SFR1: variants seen among roughly 807,000 people sequenced by gnomAD.
SFR1 encodes swi5-dependent recombination DNA repair protein 1 homolog.
Under a neutral mutation model 26.2 loss-of-function variants are expected in SFR1, and 24 were observed. The observed-to-expected ratio is 0.92, with a 90% confidence interval of 0.66 to 1.29. SFR1 has a LOEUF of 1.29. SFR1 is among the 50% of genes most tolerant of loss of function. The probability of loss-of-function intolerance (pLI) is 0.00; values close to 1 mark genes in which losing one functional copy is unlikely to be tolerated. For synonymous variants in SFR1, 77 were observed against 96.6 expected, an observed-to-expected ratio of 0.80 and a Z score of 1.19; for missense variants, 276 against 270.2, an observed-to-expected ratio of 1.02 and a Z score of -0.15.
At chr10:104,123,185 T>C in intron 2 of SFR1, 99 bp downstream of exon 2, 2 of 958,254 alleles carry the variant, frequency 2.1e-6, no homozygotes, top group Non-Finnish European at 3.1e-6. Flanking sequence ...ATTAACATAA[T>C]GTGTAGCATA....
intron 3 of SFR1, among the ~76,000 whole-genome samples, chr10:104,124,555 A>G (rs1339652167): frequency 6.8e-6 from 1 of 147,180 alleles, no homozygotes; most frequent in Admixed American, 6.8e-5. Flanking sequence ...TTGAGAAAAT[A>G]TATATATATA....
chr10:104,120,395 T>C (rs2086950210), upstream of SFR1, among the ~76,000 whole-genome samples: 1 of 152,226 alleles, frequency 6.6e-6, no homozygotes, highest in Non-Finnish European at 1.5e-5. Flanking sequence ...ACTTATGTAA[T>C]TTTAAAAAAT....
rs1055161285 is a variant in SFR1 at position 104,123,581 on chromosome 10, T to C, written c.136-133T>C. 6.7e-6 allele frequency: 4 copies of C among 599,968 alleles called. No homozygotes were observed. In the Admixed American group the frequency reaches 1.5e-4, roughly 23 times the overall value. 37.2% of individuals were successfully genotyped at this position (599,968 alleles called of 1,614,324 possible). Reference sequence around the variant, plus strand: ...AAATTAAAGTCATTTTGTGATGCCTTCTTTAGATGTGGAGACAGAAAGCCA... The same window carrying C: ...AAATTAAAGTCATTTTGTGATGCCTCCTTTAGATGTGGAGACAGAAAGCCA... On this transcript the variant is annotated intron_variant, in intron 2 of 3. Coordinates refer to ENST00000369727, the MANE Select transcript of SFR1 (RefSeq NM_001002759.2).
rs570050726 is a variant in SFR1 at position 104,124,950 on chromosome 10, T to A, written c.547-563T>A. ...TAGCTGGGACTACAGACATGTGCCA[T>A]CACACCTGGCTAATTTTTTAAAATT... On this transcript the variant is annotated intron_variant, in intron 3 of 3. Transcript: ENST00000369727. 9.0e-4 allele frequency among the ~76,000 whole-genome samples: 137 copies of A among 152,034 alleles called. 1 individual carries two copies. Among genetic ancestry groups the A allele is most frequent in the African/African-American group, 3.2e-3 (132 of 41,474 alleles).
rs2086994678 is a variant in SFR1, at chr10:104,123,760, C to A, written c.182C>A (p.Ser61Ter). 1.2e-6 allele frequency: 2 copies of A among 1,606,072 alleles called. No homozygotes were observed. The highest frequency in any genetic ancestry group is 1.7e-5 in the Admixed American group (1 of 58,084). ...LRERLRKTRF[S>*]FNSSYNVVKR... ...GAAAGATTAAGGAAAACAAGATTTT[C>A]ATTTAATTCCTCTTACAATGTGGTG... The change falls in exon 3 of 4, where the codon TCA becomes TAA. Residue 61 changes from serine to a stop codon, truncating the protein, a stop_gained. Coordinates refer to ENST00000369727, the MANE Select transcript of SFR1 (RefSeq NM_001002759.2). LOFTEE classifies it high-confidence loss of function.
rs76550596 is a variant in SFR1 at position 104,123,374 on chromosome 10, C to G, written c.135+288C>G. ...ATCTGTGCAATATTATTATGAAGGT[C>G]TTTAGTGGCAGAGTCTAGGTCTTTT... On this transcript the variant is annotated intron_variant, in intron 2 of 3. Transcript: ENST00000369727. 4 of 389,528 alleles carry G rather than the reference C, an allele frequency of 1.0e-5. No homozygotes were observed. In the East Asian group the frequency reaches 1.7e-4, roughly 17 times the overall value. 24.1% of individuals were successfully genotyped at this position (389,528 alleles called of 1,614,324 possible). A position where few individuals can be genotyped will look rare whatever the true frequency, so the allele number is the denominator to read the frequency against.
chr10:104,124,631 G>A (rs1050233189), intron 3 of SFR1, among the ~76,000 whole-genome samples: 4 of 151,402 alleles, frequency 2.6e-5, no homozygotes, highest in Admixed American at 1.3e-4. Context: ...CTTGGAAGGA[G>A]AATAATCTTT....
At chr10:104,125,432 A>G in intron 3 of SFR1, 81 bp from the exon 4 acceptor site, 1 of 1,103,694 alleles carries the variant, frequency 9.1e-7, no homozygotes, top group Non-Finnish European at 1.3e-6. Context: ...TTAAACCTGC[A>G]CATCCACTAA....
intron 2 of SFR1, chr10:104,123,323 C>A: frequency 2.2e-6 from 1 of 461,812 alleles, no homozygotes; most frequent in East Asian, 3.4e-5. Flanking sequence ...TAGGTTATTA[C>A]AATACTCCAG....
intron 1 of SFR1, chr10:104,122,545 C>T (rs2086976693): frequency 2.0e-6 from 2 of 985,274 alleles, no homozygotes; most frequent in African/African-American, 3.5e-5. Flanking sequence ...CTAGTCACAG[C>T]TTGTAGAGTT....
intron 1 of SFR1, chr10:104,122,480 C>T (rs2134700512): frequency 1.0e-6 from 1 of 985,434 alleles, no homozygotes; most frequent in African/African-American, 1.7e-5. Context: ...TACAGACGGG[C>T]TTAAATGCGT....
rs2087027218 is a variant in SFR1, at chr10:104,126,300, G to C, written c.*596G>C. The C allele has an allele frequency of 6.6e-6, 1 of 152,588 alleles. No homozygotes were observed. The allele number at this position is 152,588 out of a possible 1,614,324, so 9.5% of individuals were successfully genotyped here. On this transcript the variant is annotated 3_prime_UTR_variant, in exon 4 of 4. Coordinates refer to ENST00000369727, the MANE Select transcript of SFR1 (RefSeq NM_001002759.2). ...AAGTTTAAAAATTTCTGCCTCCTAA[G>C]TTTATGTACCTTGTTTCCATCCATT...
chr10:104,122,049 G>T (rs1162486514), upstream of SFR1: 5 of 1,104,180 alleles, frequency 4.5e-6, no homozygotes, highest in East Asian at 8.2e-5. Flanking sequence ...GCTCTGAGTC[G>T]CTGAGTGAAG....
At chr10:104,123,136 T>C (rs761468986) in intron 2 of SFR1, 50 bp downstream of exon 2, 1 of 1,398,112 alleles carries the variant, frequency 7.2e-7, no homozygotes, top group South Asian at 1.4e-5. Context: ...TTTCTAAGTA[T>C]TGTGGCAGTG....
Position 104,123,819 on chromosome 10 carries a change from C to T in SFR1, c.241C>T (p.Gln81Ter), listed in dbSNP as rs781146223. ...TAAAGTAGAGAGTGAAGAAAATGAT[C>T]AGACCTTTTCAGAGAAACCAGCATC... ...RLKVESEEND[Q>*]TFSEKPASST... The change falls in exon 3 of 4, where the codon CAG becomes TAG. Residue 81 changes from glutamine to a stop codon, truncating the protein, a stop_gained. Coordinates refer to ENST00000369727, the MANE Select transcript of SFR1 (RefSeq NM_001002759.2). LOFTEE classifies it high-confidence loss of function. The T allele has an allele frequency of 8.7e-6, 14 of 1,612,656 alleles. No individual in the cohort carries two copies. The highest frequency in any genetic ancestry group is 1.1e-5 in the Non-Finnish European group (13 of 1,179,824).
At chr10:104,123,245 T>G in intron 2 of SFR1, 159 bp downstream of exon 2, 2 of 579,696 alleles carry the variant, frequency 3.5e-6, no homozygotes, top group Non-Finnish European at 5.8e-6. Context: ...TAAGGTGACA[T>G]ATATGACACC....
upstream of SFR1, among the ~76,000 whole-genome samples, chr10:104,121,900 C>G (rs1484389229): frequency 1.3e-5 from 2 of 151,944 alleles, no homozygotes; most frequent in Non-Finnish European, 2.9e-5. Context: ...CGCGCGCGCA[C>G]TCACGCTGCT....
At chr10:104,123,514 C>T (rs999148) in intron 2 of SFR1, among the ~76,000 whole-genome samples, 200 bp from the exon 3 acceptor site, 10 of 152,258 alleles carry the variant, frequency 6.6e-5, no homozygotes, top group African/African-American at 2.4e-4. Context: ...AGGTGTTGAT[C>T]TTGCTGAAGT....
chr10:104,123,915 A>T lies in SFR1; in HGVS notation c.337A>T (p.Thr113Ser). Reference sequence around the variant, plus strand: ...TATAGACAGTGAATTTGAAGAAAATACAAATTTGAAAAATACTTTGAAGAA... The same window carrying T: ...TATAGACAGTGAATTTGAAGAAAATTCAAATTTGAAAAATACTTTGAAGAA... ...KHIDSEFEEN[T>S]NLKNTLKNLN... The change falls in exon 3 of 4, where the codon ACA becomes TCA. Residue 113 changes from threonine to serine, a missense_variant. Thr to Ser is a moderately conservative substitution (Grantham distance 58). Coordinates refer to ENST00000369727, the MANE Select transcript of SFR1 (RefSeq NM_001002759.2). 1 of 1,613,224 alleles carries T rather than the reference A, an allele frequency of 6.2e-7. No homozygotes were observed. Among genetic ancestry groups the T allele is most frequent in the Non-Finnish European group, 8.5e-7 (1 of 1,179,662 alleles).
Sources: allele counts gnomAD v4.1 joint callset (sites outside exome capture counted in the v4.1 genomes callset), GRCh38; gene constraint gnomAD v4.1.1; transcripts MANE v1.5; gene names NCBI Gene and HGNC (gene_info 2026-07-23, HGNC 2026-07-21).